LMNA: variants seen among roughly 807,000 people sequenced by gnomAD.
The protein encoded by LMNA is lamin.
LMNA carries 20 observed loss-of-function variants against 70.4 expected under a neutral mutation model. The observed-to-expected ratio is 0.28, with a 90% CI of 0.20 to 0.41. LMNA has a LOEUF of 0.41. Among genes scored for constraint, LMNA ranks in the 10% least tolerant of loss-of-function variants. The probability of loss-of-function intolerance (pLI) is 1.00; values close to 1 mark genes in which losing one functional copy is unlikely to be tolerated. For missense variants in LMNA, 652 were observed against 917.2 expected (o/e 0.71, Z 3.73); for synonymous variants, 339 against 372.8 (o/e 0.91, Z 1.04).
intron 3 of LMNA, among the ~76,000 whole-genome samples, chr1:156,091,384 C>T (rs1212177370): frequency 6.6e-6 from 1 of 152,200 alleles, no homozygotes; most frequent in Admixed American, 6.6e-5. Flanking sequence ...GGGCAGATCA[C>T]CTGAGGTGGG....
At chr1:156,104,931 GA>G (rs1649275530) in intron 3 of LMNA, among the ~76,000 whole-genome samples, 3 of 152,142 alleles carry the variant, frequency 2.0e-5, no homozygotes, top group African/African-American at 4.8e-5. Flanking sequence ...GGACTGAGGG[GA>G]CCATGGCCAA....
intron 1 of LMNA, among the ~76,000 whole-genome samples, chr1:156,117,598 G>T (rs1023375496): frequency 2.3e-4 from 35 of 151,566 alleles, no homozygotes; most frequent in African/African-American, 8.2e-4. Context: ...GCAAGGTCAT[G>T]GCTCACTGCA....
chr1:156,108,390 G>C (rs1434122559), intron 3 of LMNA, among the ~76,000 whole-genome samples: 1 of 152,084 alleles, frequency 6.6e-6, no homozygotes, highest in Non-Finnish European at 1.5e-5. Flanking sequence ...CTCCTCCAAA[G>C]AGTCGCCTGT....
Position 156,134,612 on chromosome 1 carries a change from A to G in LMNA, c.639+84A>G, listed in dbSNP as rs1232501179. On this transcript the variant is annotated intron_variant, in intron 3 of 11. Transcript: ENST00000368300. The surrounding 1 kb of genome is among the most constrained non-coding windows in gnomAD (Gnocchi z 5.3). ...GGGCTAGGGGGGACCAGCTGTGTGC[A>G]GAGCTCGCCTTCCTGAGTCCCTTGC... 4 of 1,594,524 alleles carry G rather than the reference A, an allele frequency of 2.5e-6. No homozygotes were observed. Among genetic ancestry groups the G allele is most frequent in the African/African-American group, 1.3e-5 (1 of 74,438 alleles).
At position 156,126,748 on chromosome 1, in the gene LMNA, T is replaced by C. The variant is rs1650615492; in HGVS notation, c.357-3869T>C. ...TTTCTGAGATCAGATTTGCCAGTGA[T>C]GGGAAGAGTTAGAAACAGGATGCCC... On this transcript the variant is annotated intron_variant, in intron 1 of 11. Transcript: ENST00000368300. The C allele has an allele frequency of 1.3e-5, 21 of 1,572,574 alleles. No homozygotes were observed. In the South Asian group the frequency reaches 2.3e-4, roughly 17 times the overall value.
At chr1:156,122,890 A>G (rs1432922704) in intron 1 of LMNA, among the ~76,000 whole-genome samples, 1 of 152,192 alleles carries the variant, frequency 6.6e-6, no homozygotes, top group Non-Finnish European at 1.5e-5. Context: ...CAATCCCTTA[A>G]GGAAGGGGAA....
At chr1:156,084,327 T>TTGGG (rs1558104047) in intron 2 of LMNA, among the ~76,000 whole-genome samples, 12 of 5,768 alleles carry the variant, frequency 2.1e-3, no homozygotes, top group Non-Finnish European at 3.7e-3. Context: ...TCTCAGAAGG[T>TTGGG]CGGGGGGTGG....
In LMNA at chr1:156,137,215, A is replaced by G. The variant is rs1171883549; in HGVS notation, c.1591A>G (p.Ile531Val). 1 of 1,591,156 alleles carries G rather than the reference A, an allele frequency of 6.3e-7. No individual in the cohort carries two copies. The highest frequency in any genetic ancestry group is 8.5e-7 in the Non-Finnish European group (1 of 1,170,490). ...CGGGAACAGCCTGCGTACGGCTCTC[A>G]TCAACTCCACTGGGGAAGTAAGTAG... ...GCGNSLRTALINSTGEEVAMR... is the reference protein window; with the variant it reads ...GCGNSLRTALVNSTGEEVAMR... The change falls in exon 9 of 12, where the codon ATC becomes GTC. Residue 531 changes from isoleucine to valine, a missense_variant. By Grantham distance (29) the Ile-to-Val change is conservative. Around this residue, in one of 4 missense-constraint regions of LMNA, gnomAD observed 327 missense variants for 387.6 expected, o/e 0.84. Transcript: ENST00000368300. This position sits in a 1 kb window ranked among gnomAD's most constrained non-coding sequence, Gnocchi z 4.6.
At position 156,139,588 on chromosome 1, in the gene LMNA, GGA is replaced by G. The variant is rs748490381; in HGVS notation, c.*498_*499del. On this transcript the variant is annotated 3_prime_UTR_variant, in exon 12 of 12. Coordinates refer to ENST00000368300, the MANE Select transcript of LMNA (RefSeq NM_170707.4). ...TCACTGCCAGGCCAGCCTCCGAGAG[GGA>G]GAGAGAGAGAGAGAGGACAGCTTGA... 22,481 of 1,178,854 alleles carry G rather than the reference GGA, an allele frequency of 0.019. 21 individuals carry two copies. Among genetic ancestry groups the G allele is most frequent in the South Asian group, 0.041 (2,137 of 51,860 alleles). 73.0% of individuals were successfully genotyped at this position (1,178,854 alleles called of 1,614,324 possible).
chr1:156,134,661 T>C lies in LMNA; in HGVS notation c.639+133T>C. ...GCCCTAGTGGACAGGGAGTTGGGGG[T>C]GGCCAGCACTCAGCTCCCAGGTTAA... On this transcript the variant is annotated intron_variant, in intron 3 of 11. Transcript: ENST00000368300. The surrounding 1 kb of genome is among the most constrained non-coding windows in gnomAD (Gnocchi z 5.3). 6.5e-7 allele frequency: 1 copy of C among 1,532,454 alleles called. No homozygotes were observed. Among genetic ancestry groups the C allele is most frequent in the Non-Finnish European group, 9.0e-7 (1 of 1,110,920 alleles). The allele number at this position is 1,532,454 out of a possible 1,614,324, so 94.9% of individuals were successfully genotyped here.
intron 2 of LMNA, among the ~76,000 whole-genome samples, chr1:156,131,628 C>T (rs890066988): frequency 1.1e-4 from 16 of 152,046 alleles, no homozygotes; most frequent in African/African-American, 3.9e-4. Flanking sequence ...ATCCACAAGC[C>T]ATTTCTACTT....
chr1:156,086,132 C>T (rs1452991803), intron 2 of LMNA, among the ~76,000 whole-genome samples: 1 of 152,224 alleles, frequency 6.6e-6, no homozygotes, highest in Non-Finnish European at 1.5e-5. Flanking sequence ...TTTCCTGGCC[C>T]TGGTTGTTCT....
At chr1:156,131,281 T>A (rs60659614) in intron 2 of LMNA, among the ~76,000 whole-genome samples, 17,365 of 149,822 alleles carry the variant, frequency 0.12, 1,947 homozygotes, top group African/African-American at 0.3. Context: ...AAAAAAATAA[T>A]AATAATAATA....
Position 156,135,472 on chromosome 1 carries a change from A to G in LMNA, c.936+160A>G. On this transcript the variant is annotated intron_variant, in intron 5 of 11. Transcript: ENST00000368300. The surrounding 1 kb of genome is among the most constrained non-coding windows in gnomAD (Gnocchi z 4.8). ...CACAGAGAAGGGTCGCAGGATGTGG[A>G]GTCAGATGGCCTGTGTGCTGTTTCT... 2.2e-6 allele frequency: 2 copies of G among 902,844 alleles called. No homozygotes were observed. The highest frequency in any genetic ancestry group is 2.9e-5 in the South Asian group (2 of 68,598). 55.9% of individuals were successfully genotyped at this position (902,844 alleles called of 1,614,324 possible). A position where few individuals can be genotyped will look rare whatever the true frequency, so the allele number is the denominator to read the frequency against.
Position 156,115,608 on chromosome 1 carries a change from G to A in LMNA, c.356+334G>A, listed in dbSNP as rs1346993378. Among the ~76,000 whole-genome samples, 1 of 152,230 alleles carries A rather than the reference G, an allele frequency of 6.6e-6. No homozygotes were observed. Among genetic ancestry groups the A allele is most frequent in the African/African-American group, 2.4e-5 (1 of 41,466 alleles). ...TTTGGAGCCGGGGGGAGGGGCTTGAGCAAAACAGAACTAGCCCTGCCAGCT... is the reference window on the plus strand; with the variant it reads ...TTTGGAGCCGGGGGGAGGGGCTTGAACAAAACAGAACTAGCCCTGCCAGCT... On this transcript the variant is annotated intron_variant, in intron 1 of 11. Coordinates refer to ENST00000368300, the MANE Select transcript of LMNA (RefSeq NM_170707.4). This position sits in a 1 kb window ranked among gnomAD's most constrained non-coding sequence, Gnocchi z 5.8.
chr1:156,113,922 A>G (rs1649633827), upstream of LMNA, among the ~76,000 whole-genome samples: 1 of 152,184 alleles, frequency 6.6e-6, no homozygotes, highest in Non-Finnish European at 1.5e-5. Flanking sequence ...GGAAGGGGAC[A>G]GGAGATGGAA....
intron 2 of LMNA, among the ~76,000 whole-genome samples, chr1:156,132,081 A>G (rs546667377): frequency 6.6e-5 from 10 of 152,346 alleles, no homozygotes; most frequent in African/African-American, 2.4e-4. Flanking sequence ...CTGAGGCAGG[A>G]AAATCATTTG....
intron 3 of LMNA, among the ~76,000 whole-genome samples, chr1:156,101,752 G>A (rs1227930515): frequency 6.6e-6 from 1 of 152,160 alleles, no homozygotes; most frequent in Non-Finnish European, 1.5e-5. Context: ...TTGTGAGGCC[G>A]CTGCAGTTAT....
intron 1 of LMNA, among the ~76,000 whole-genome samples, chr1:156,122,768 G>A (rs1306108405): frequency 6.6e-6 from 1 of 152,186 alleles, no homozygotes; most frequent in Admixed American, 6.5e-5. Flanking sequence ...AACAGTGCCT[G>A]GAACCGGGGG....
Sources: allele counts gnomAD v4.1 joint callset (sites outside exome capture counted in the v4.1 genomes callset), GRCh38; gene constraint gnomAD v4.1.1; regional missense constraint gnomAD v4.1.1; non-coding constraint Gnocchi (gnomAD v3.1); transcripts MANE v1.5; gene names NCBI Gene and HGNC (gene_info 2026-07-23, HGNC 2026-07-21).